The following TMTC1 variants were observed in gnomAD, a reference collection of about 807,000 sequenced individuals.
TMTC1 encodes transmembrane O-mannosyltransferase targeting cadherins 1.
A neutral mutation model predicts 104.8 loss-of-function variants in TMTC1; 73 were observed. The ratio of observed to expected loss-of-function variants is 0.70; its 90% CI spans 0.58 to 0.85. The LOEUF (loss-of-function observed/expected upper bound fraction) is 0.85, where lower values mean the gene tolerates loss of function less well. TMTC1 is among the 40% of genes least tolerant of loss of function. The pLI is 0.00. For missense variants in TMTC1, 1,035 were observed against 1,096.1 expected, an observed-to-expected ratio of 0.94 and a Z score of 0.79; for synonymous variants, 434 against 428.7, an observed-to-expected ratio of 1.01 and a Z score of -0.15.
chr12:29,667,170 T>G (rs1209710995), intron 5 of TMTC1, among the ~76,000 whole-genome samples: 1 of 152,212 alleles, frequency 6.6e-6, no homozygotes, highest in Non-Finnish European at 1.5e-5. Context: ...CTCTCTTTAA[T>G]GTACTTTCCT....
chr12:29,654,938 C>CAGTG (rs1391982497), intron 5 of TMTC1, among the ~76,000 whole-genome samples: 1 of 152,160 alleles, frequency 6.6e-6, no homozygotes, highest in Non-Finnish European at 1.5e-5. Flanking sequence ...GGCTAGAGTG[C>CAGTG]AGTGGCGTGA....
At chr12:29,674,535 G>A (rs1311858459) in intron 5 of TMTC1, among the ~76,000 whole-genome samples, 3 of 152,188 alleles carry the variant, frequency 2.0e-5, no homozygotes, top group Non-Finnish European at 2.9e-5. Flanking sequence ...AAAAAAGAAC[G>A]AAATATTTTC....
At chr12:29,649,320 G>A (rs1338894472) in intron 5 of TMTC1, among the ~76,000 whole-genome samples, 1 of 152,170 alleles carries the variant, frequency 6.6e-6, no homozygotes, top group Non-Finnish European at 1.5e-5. Flanking sequence ...GTTAAAAAAT[G>A]AGCAATTTAA....
At chr12:29,567,965 T>C (rs57231427) in intron 9 of TMTC1, among the ~76,000 whole-genome samples, 81,134 of 152,084 alleles carry the variant, frequency 0.53, 24,718 homozygotes, top group Non-Finnish European at 0.67. Flanking sequence ...TCTAATGATA[T>C]GGTGTCTCTT....
At chr12:29,611,960 A>G (rs1198968509) in intron 6 of TMTC1, among the ~76,000 whole-genome samples, 2 of 152,182 alleles carry the variant, frequency 1.3e-5, no homozygotes, top group African/African-American at 4.8e-5. Context: ...AGGTATAATT[A>G]TCTCCATTTT....
chr12:29,585,866 G>A (rs1054634159), intron 7 of TMTC1, among the ~76,000 whole-genome samples: 2 of 151,852 alleles, frequency 1.3e-5, no homozygotes, highest in African/African-American at 4.9e-5. Context: ...TTGAAGTCAG[G>A]TAGCGTGATG....
intron 11 of TMTC1, among the ~76,000 whole-genome samples, chr12:29,528,014 T>C (rs1324705594): frequency 6.6e-6 from 1 of 152,204 alleles, no homozygotes; most frequent in Non-Finnish European, 1.5e-5. Flanking sequence ...TTCACTTGAT[T>C]GTCAATTTCA....
chr12:29,516,323 G>T (rs1398678202), intron 15 of TMTC1, 26 bp downstream of exon 15: 1 of 1,598,750 alleles, frequency 6.3e-7, no homozygotes, highest in South Asian at 1.1e-5. Context: ...TGAATCCAAA[G>T]AACTCTAAAC....
intron 1 of TMTC1, among the ~76,000 whole-genome samples, chr12:29,773,468 G>A (rs537128049): frequency 6.6e-6 from 1 of 152,078 alleles, no homozygotes; most frequent in Admixed American, 6.5e-5. Flanking sequence ...GTGAAACAGA[G>A]ACACACAGCA....
intron 5 of TMTC1, among the ~76,000 whole-genome samples, chr12:29,675,589 T>C (rs1032933992): frequency 1.4e-4 from 16 of 116,552 alleles, no homozygotes; most frequent in East Asian, 2.6e-4. Flanking sequence ...CACATGCAAA[T>C]ACACACACAC....
intron 10 of TMTC1, among the ~76,000 whole-genome samples, chr12:29,541,787 T>C (rs1028155483): frequency 2.0e-5 from 3 of 151,392 alleles, no homozygotes; most frequent in African/African-American, 7.3e-5. Context: ...GTCACCCAAG[T>C]AGCTGGGATT....
intron 4 of TMTC1, among the ~76,000 whole-genome samples, chr12:29,755,499 T>A (rs1411047514): frequency 6.6e-6 from 1 of 152,216 alleles, no homozygotes; most frequent in Admixed American, 6.5e-5. Context: ...AACTTCATAG[T>A]CCTCACTGAT....
chr12:29,626,969 G>C (rs958851804), intron 6 of TMTC1, among the ~76,000 whole-genome samples: 2 of 152,124 alleles, frequency 1.3e-5, no homozygotes, highest in African/African-American at 4.8e-5. Context: ...GGGCGTGGTG[G>C]TGGGTGCCTG....
At chr12:29,664,383 C>T (rs1020334792) in intron 5 of TMTC1, among the ~76,000 whole-genome samples, 3 of 152,058 alleles carry the variant, frequency 2.0e-5, no homozygotes, top group Admixed American at 6.6e-5. Context: ...TAACATGGCC[C>T]TCTTTTTTGG....
intron 5 of TMTC1, among the ~76,000 whole-genome samples, chr12:29,713,483 C>T (rs1941994490): frequency 6.6e-6 from 1 of 151,910 alleles, no homozygotes; most frequent in African/African-American, 2.4e-5. Flanking sequence ...ATGCACTGAC[C>T]ATTTGAAAAA....
At chr12:29,593,212 G>A (rs951250845) in intron 7 of TMTC1, among the ~76,000 whole-genome samples, 3 of 152,168 alleles carry the variant, frequency 2.0e-5, no homozygotes, top group African/African-American at 7.2e-5. Flanking sequence ...ATAGGACAAG[G>A]GCTCAATATT....
At chr12:29,739,481 A>G (rs1307470177) in intron 5 of TMTC1, among the ~76,000 whole-genome samples, 3 of 152,204 alleles carry the variant, frequency 2.0e-5, no homozygotes, top group African/African-American at 2.4e-5. Context: ...TTCTGTGTAC[A>G]TACTTCAAGC....
intron 10 of TMTC1, among the ~76,000 whole-genome samples, chr12:29,552,285 A>G (rs1161234163): frequency 6.6e-6 from 1 of 152,182 alleles, no homozygotes; most frequent in Non-Finnish European, 1.5e-5. Context: ...AAAAAAAAAG[A>G]ATGCACACCA....
intron 5 of TMTC1, among the ~76,000 whole-genome samples, chr12:29,690,913 A>G (rs1941246923): frequency 1.3e-5 from 2 of 152,246 alleles, no homozygotes; most frequent in Non-Finnish European, 1.5e-5. Flanking sequence ...GAGATCAGAC[A>G]TAACCAACTC....
Sources: gnomAD v4.1 joint callset for allele counts (sites outside exome capture counted in the v4.1 genomes callset) on GRCh38, gnomAD v4.1.1 for gene constraint, MANE v1.5 for transcripts, NCBI Gene and HGNC (gene_info 2026-07-23, HGNC 2026-07-21) for gene names.